HECTD4: variants seen among roughly 807,000 people sequenced by gnomAD.
HECTD4 encodes the protein probable E3 ubiquitin-protein ligase HECTD4.
In HECTD4, 114 loss-of-function variants were observed where a neutral mutation model predicts 471.5. That is an observed-to-expected ratio of 0.24 (90% CI 0.21 to 0.28). The LOEUF (loss-of-function observed/expected upper bound fraction) is 0.28, where lower values mean the gene tolerates loss of function less well. Ranked by LOEUF, HECTD4 falls within the 10% of genes least tolerant of loss-of-function variation. The pLI is 1.00. For missense variants in HECTD4, 3,866 were observed against 5,651.5 expected, an observed-to-expected ratio of 0.68 and a Z score of 10.13; for synonymous variants, 2,012 against 2,256.0, an observed-to-expected ratio of 0.89 and a Z score of 3.07.
Position 112,382,353 on chromosome 12 carries a change from C to T in HECTD4, c.-225G>A. 1 of 405,178 alleles carries T rather than the reference C, an allele frequency of 2.5e-6. No individual in the cohort carries two copies. The highest frequency in any genetic ancestry group is 4.2e-6 in the Non-Finnish European group (1 of 237,558). The allele number at this position is 405,178 out of a possible 1,614,324, so 25.1% of individuals were successfully genotyped here. On this transcript the variant is annotated 5_prime_UTR_variant, in exon 1 of 76. Coordinates refer to ENST00000682272, the MANE Select transcript of HECTD4 (RefSeq NM_001388303.1). The stretch of plus-strand genomic sequence containing the variant: ...GCCGCCGCCGCCGCCGCCGCCGCCG[C>T]CGCCGCCCTCAGGAGCAGGATCCGC...
At chr12:112,260,406 A>C (rs571687084) in intron 18 of HECTD4, among the ~76,000 whole-genome samples, 1 of 152,152 alleles carries the variant, frequency 6.6e-6, no homozygotes, top group Non-Finnish European at 1.5e-5. Context: ...ACTGTTCCCA[A>C]TCCCAACCTC....
chr12:112,260,180 G>T (rs1566090480), intron 18 of HECTD4, among the ~76,000 whole-genome samples: 1 of 152,026 alleles, frequency 6.6e-6, no homozygotes, highest in Admixed American at 6.6e-5. Flanking sequence ...CTATGATTTT[G>T]ACTCATCTAA....
intron 48 of HECTD4, among the ~76,000 whole-genome samples, chr12:112,214,333 G>A (rs2032852222): frequency 6.6e-6 from 1 of 152,172 alleles, no homozygotes; most frequent in Non-Finnish European, 1.5e-5. Context: ...AGTGCATGAA[G>A]TTCTAAGGTT....
At chr12:112,334,710 T>C (rs187100624) in intron 1 of HECTD4, among the ~76,000 whole-genome samples, 23 of 146,062 alleles carry the variant, frequency 1.6e-4, no homozygotes, top group Non-Finnish European at 2.4e-4. Context: ...CTCGAGAGGC[T>C]GAGGCAGGAG....
chr12:112,290,843 C>T (rs1410989824), intron 7 of HECTD4, among the ~76,000 whole-genome samples: 2 of 125,518 alleles, frequency 1.6e-5, no homozygotes, highest in African/African-American at 6.6e-5. Context: ...AGCGAAACTC[C>T]GTCTCAAAAA....
Position 112,229,775 on chromosome 12 carries a change from T to G in HECTD4, c.6442A>C (p.Ile2148Leu), listed in dbSNP as rs780067596. The change falls in exon 41 of 76, where the codon ATT becomes CTT. Residue 2148 changes from isoleucine (I) to leucine (L), a missense_variant. Transcript: ENST00000682272. ...SGRKLAKLQRIARQAVAALCA... is the reference protein window; with the variant it reads ...SGRKLAKLQRLARQAVAALCA... ...AGTGCGGCAACGGCCTGGCGTGCAATTCTCTGAAGTTTGGCAAGTTTCCTG... is the reference window on the plus strand; with the variant it reads ...AGTGCGGCAACGGCCTGGCGTGCAAGTCTCTGAAGTTTGGCAAGTTTCCTG... 14 of 1,614,058 alleles carry G rather than the reference T, an allele frequency of 8.7e-6. No individual in the cohort carries two copies. The highest frequency in any genetic ancestry group is 4.4e-5 in the South Asian group (4 of 91,092).
chr12:112,209,610 G>A (rs180855170), intron 50 of HECTD4, among the ~76,000 whole-genome samples: 94 of 152,356 alleles, frequency 6.2e-4, no homozygotes, highest in African/African-American at 2.0e-3. Context: ...ACAGGCATGA[G>A]CCACCTCACC....
chr12:112,326,947 T>C (rs1354311624), intron 1 of HECTD4, among the ~76,000 whole-genome samples: 1 of 152,220 alleles, frequency 6.6e-6, no homozygotes, highest in African/African-American at 2.4e-5. Flanking sequence ...CCTAAAGCAA[T>C]ATTCTAGAAG....
At chr12:112,167,040 G>A (rs892100184) in intron 72 of HECTD4, 4 of 349,826 alleles carry the variant, frequency 1.1e-5, no homozygotes, top group African/African-American at 6.3e-5. Context: ...AGCTCCAGGA[G>A]CCCTTGCCCA....
chr12:112,311,302 T>C (rs1442967570), intron 4 of HECTD4, among the ~76,000 whole-genome samples: 3 of 149,884 alleles, frequency 2.0e-5, no homozygotes, highest in South Asian at 4.2e-4. Flanking sequence ...CTAAAAACTA[T>C]ATAAGAAAAA....
intron 1 of HECTD4, among the ~76,000 whole-genome samples, chr12:112,320,817 G>T (rs1330798414): frequency 6.6e-6 from 1 of 152,030 alleles, no homozygotes; most frequent in African/African-American, 2.4e-5. Flanking sequence ...ATAAATGATG[G>T]ATTATTCACG....
intron 29 of HECTD4, among the ~76,000 whole-genome samples, chr12:112,244,508 A>T (rs929813363): frequency 6.6e-6 from 1 of 152,272 alleles, no homozygotes; most frequent in East Asian, 1.9e-4. Flanking sequence ...AGCTGCGATT[A>T]CAGGCGTGCA....
At chr12:112,167,119 T>A (rs1432538635) in intron 72 of HECTD4, 198 bp downstream of exon 72, 1 of 503,828 alleles carries the variant, frequency 2.0e-6, no homozygotes, top group Non-Finnish European at 3.5e-6. Flanking sequence ...CTCCAATCTC[T>A]GCTGCCAGCA....
chr12:112,364,016 A>AT (rs2036509157), intron 1 of HECTD4, among the ~76,000 whole-genome samples: 1 of 150,440 alleles, frequency 6.6e-6, no homozygotes, highest in Non-Finnish European at 1.5e-5. Flanking sequence ...AAAAAAAAAA[A>AT]ATCAAAGGTC....
rs1329078011 is a variant in HECTD4 at position 112,166,160 on chromosome 12, G to A, written c.12534+1157C>T. On this transcript the variant is annotated intron_variant, in intron 72 of 75. Coordinates refer to ENST00000682272, the MANE Select transcript of HECTD4 (RefSeq NM_001388303.1). This position sits in a 1 kb window ranked among gnomAD's most constrained non-coding sequence, Gnocchi z 4.6. Reference sequence around the variant, plus strand: ...ACCCAGAGCCCCAGGAGGACTCCTCGGAGGAGTGCAGGAGACGCATAAACC... The same window carrying A: ...ACCCAGAGCCCCAGGAGGACTCCTCAGAGGAGTGCAGGAGACGCATAAACC... The A allele has an allele frequency of 2.6e-5, 4 of 152,282 alleles. No individual in the cohort carries two copies. Among genetic ancestry groups the A allele is most frequent in the East Asian group, 1.9e-4 (1 of 5,192 alleles). 9.4% of individuals were successfully genotyped at this position (152,282 alleles called of 1,614,324 possible). A position where few individuals can be genotyped will look rare whatever the true frequency, so the allele number is the denominator to read the frequency against.
chr12:112,189,550 C>CAAAAAAAAAAAAAAAAAAAA (rs57209316), intron 60 of HECTD4, among the ~76,000 whole-genome samples: 2 of 30,436 alleles, frequency 6.6e-5, no homozygotes, highest in African/African-American at 1.1e-4. Context: ...GACTCCGTCT[C>CAAAAAAAAAAAAAAAAAAAA]AAAAAAAAAA....
At chr12:112,227,903 T>G (rs1314123340) in intron 43 of HECTD4, among the ~76,000 whole-genome samples, 186 bp downstream of exon 43, 1 of 152,046 alleles carries the variant, frequency 6.6e-6, no homozygotes, top group Non-Finnish European at 1.5e-5. Flanking sequence ...CAACAAAAAT[T>G]GAAGAAATTA....
At chr12:112,376,436 C>T (rs2036782619) in intron 1 of HECTD4, among the ~76,000 whole-genome samples, 2 of 151,744 alleles carry the variant, frequency 1.3e-5, no homozygotes, top group Non-Finnish European at 2.9e-5. Flanking sequence ...TTAGTAGAGA[C>T]GGGGTTTCAC....
chr12:112,381,883 G>A lies in HECTD4; in HGVS notation c.177+69C>T. On this transcript the variant is annotated intron_variant, in intron 1 of 75. Coordinates refer to ENST00000682272, the MANE Select transcript of HECTD4 (RefSeq NM_001388303.1). This position sits in a 1 kb window ranked among gnomAD's most constrained non-coding sequence, Gnocchi z 4.1. ...CGAGGCCGCGGCTGAGGCGAGGAGGGGGCCCGACCCGGGGGTGCCGGGCGA... is the reference window on the plus strand; with the variant it reads ...CGAGGCCGCGGCTGAGGCGAGGAGGAGGCCCGACCCGGGGGTGCCGGGCGA... The A allele has an allele frequency of 2.7e-6, 3 of 1,108,376 alleles. No homozygotes were observed. The highest frequency in any genetic ancestry group is 3.4e-6 in the Non-Finnish European group (3 of 879,646). 68.7% of individuals were successfully genotyped at this position (1,108,376 alleles called of 1,614,324 possible).
Sources: gnomAD v4.1 joint callset for allele counts (sites outside exome capture counted in the v4.1 genomes callset) on GRCh38, gnomAD v4.1.1 for gene constraint, Gnocchi (gnomAD v3.1) non-coding constraint, MANE v1.5 for transcripts, NCBI Gene and HGNC (gene_info 2026-07-23, HGNC 2026-07-21) for gene names.